WDR41: variants seen among roughly 807,000 people sequenced by gnomAD.
WDR41 encodes WD repeat domain 41.
A neutral mutation model predicts 69.3 loss-of-function variants in WDR41; 63 were observed. The observed-to-expected ratio is 0.91, with a 90% CI of 0.74 to 1.12. The LOEUF is 1.12. Among genes scored for constraint, WDR41 ranks in the 50% most tolerant of loss-of-function variants. The pLI, the probability that WDR41 is intolerant of heterozygous loss-of-function variation, is 0.00. For missense variants in WDR41, 543 were observed against 534.5 expected (o/e 1.02, Z -0.16); for synonymous variants, 185 against 192.1 (o/e 0.96, Z 0.31).
upstream of WDR41, among the ~76,000 whole-genome samples, chr5:77,494,729 C>T (rs746129048): frequency 2.0e-5 from 3 of 152,062 alleles, no homozygotes; most frequent in Non-Finnish European, 4.4e-5. Context: ...CTTCATCTGT[C>T]CACTTTCAAT....
At chr5:77,440,729 C>G in intron 9 of WDR41, 84 bp downstream of exon 9, 1 of 1,340,096 alleles carries the variant, frequency 7.5e-7, no homozygotes, top group Admixed American at 2.1e-5. Flanking sequence ...TTTTTTATGT[C>G]CAACATGGGA....
intron 1 of WDR41, among the ~76,000 whole-genome samples, chr5:77,524,999 A>C (rs1802424796): frequency 6.6e-6 from 1 of 152,226 alleles, no homozygotes; most frequent in Non-Finnish European, 1.5e-5. Context: ...TGGAGGATGC[A>C]CCACAATTCA....
At chr5:77,566,365 G>A (rs867949109) in intron 1 of WDR41, among the ~76,000 whole-genome samples, 34 of 151,882 alleles carry the variant, frequency 2.2e-4, no homozygotes, top group Non-Finnish European at 8.8e-5. Flanking sequence ...GGTCTCCCTG[G>A]GTCTCTATTT....
At chr5:77,610,393 G>C (rs944521582) in intron 1 of WDR41, among the ~76,000 whole-genome samples, 2 of 152,154 alleles carry the variant, frequency 1.3e-5, no homozygotes, top group Non-Finnish European at 2.9e-5. Context: ...AAATGTTAAG[G>C]GCAGCCAGAG....
chr5:77,468,336 G>A (rs1022392532), intron 2 of WDR41, among the ~76,000 whole-genome samples: 4 of 152,094 alleles, frequency 2.6e-5, no homozygotes, highest in Non-Finnish European at 5.9e-5. Context: ...ATTACCATGT[G>A]ATGCTATAGG....
intron 1 of WDR41, among the ~76,000 whole-genome samples, chr5:77,521,694 T>G (rs1802372437): frequency 1.3e-5 from 2 of 152,188 alleles, no homozygotes; most frequent in African/African-American, 4.8e-5. Flanking sequence ...CTAAACTGAC[T>G]AGAGGCTTTT....
chr5:77,474,163 T>C (rs1800770026), intron 2 of WDR41, among the ~76,000 whole-genome samples: 1 of 152,104 alleles, frequency 6.6e-6, no homozygotes, highest in Non-Finnish European at 1.5e-5. Flanking sequence ...GAAACCATCA[T>C]TCTCAGCAAA....
At chr5:77,472,495 C>T (rs1289276443) in intron 2 of WDR41, among the ~76,000 whole-genome samples, 4 of 151,618 alleles carry the variant, frequency 2.6e-5, no homozygotes, top group African/African-American at 4.9e-5. Context: ...TCCCTGTTTG[C>T]AGATGACATG....
At chr5:77,434,322 A>T (rs1041962213) in intron 12 of WDR41, among the ~76,000 whole-genome samples, 3 of 152,006 alleles carry the variant, frequency 2.0e-5, no homozygotes, top group Non-Finnish European at 4.4e-5. Flanking sequence ...GGGAAAAAAA[A>T]CAAGAGTTTT....
At chr5:77,536,983 C>T (rs2112217455) in intron 1 of WDR41, among the ~76,000 whole-genome samples, 1 of 152,260 alleles carries the variant, frequency 6.6e-6, no homozygotes, top group East Asian at 1.9e-4. Flanking sequence ...CTATGGAAAC[C>T]TGACTGGTAA....
chr5:77,475,658 A>G (rs1460048674), intron 2 of WDR41, among the ~76,000 whole-genome samples: 2 of 152,182 alleles, frequency 1.3e-5, no homozygotes. Flanking sequence ...ATCCACACCA[A>G]AAACCCATCT....
At chr5:77,558,854 T>C (rs959581016) in intron 1 of WDR41, among the ~76,000 whole-genome samples, 1 of 146,880 alleles carries the variant, frequency 6.8e-6, no homozygotes, top group African/African-American at 2.5e-5. Flanking sequence ...ATTACTTTCA[T>C]CCTTTCAAAA....
chr5:77,589,801 A>G (rs1460049), intron 1 of WDR41, among the ~76,000 whole-genome samples: 4 of 152,144 alleles, frequency 2.6e-5, no homozygotes, highest in Middle Eastern at 3.4e-3. Flanking sequence ...TTCCTTTCCA[A>G]TCCTTATAAT....
chr5:77,543,235 C>T (rs1580001074), intron 1 of WDR41, among the ~76,000 whole-genome samples: 1 of 152,096 alleles, frequency 6.6e-6, no homozygotes, highest in East Asian at 1.9e-4. Flanking sequence ...GGTAATATGA[C>T]AAAACAAGGT....
intron 1 of WDR41, among the ~76,000 whole-genome samples, chr5:77,577,453 A>G (rs1260602285): frequency 6.6e-6 from 1 of 152,196 alleles, no homozygotes; most frequent in African/African-American, 2.4e-5. Flanking sequence ...AATAAAACAA[A>G]GAGAATCATT....
intron 1 of WDR41, among the ~76,000 whole-genome samples, chr5:77,588,660 T>C (rs1744082386): frequency 6.6e-6 from 1 of 152,182 alleles, no homozygotes; most frequent in Admixed American, 6.5e-5. Context: ...ATAAAGTTTC[T>C]GCAAACACTG....
intron 9 of WDR41, among the ~76,000 whole-genome samples, chr5:77,439,006 T>C (rs1221690746): frequency 2.6e-5 from 4 of 152,224 alleles, no homozygotes; most frequent in Non-Finnish European, 4.4e-5. Context: ...GCAAGCATCA[T>C]TGCCATTTTC....
intron 1 of WDR41, among the ~76,000 whole-genome samples, chr5:77,603,986 A>G (rs1744370957): frequency 6.6e-6 from 1 of 152,142 alleles, no homozygotes. Flanking sequence ...GCTTTGCAAT[A>G]TATTTTTGAG....
At chr5:77,521,839 T>A (rs1458495430) in intron 1 of WDR41, among the ~76,000 whole-genome samples, 1 of 152,192 alleles carries the variant, frequency 6.6e-6, no homozygotes, top group Non-Finnish European at 1.5e-5. Context: ...TACACCACTA[T>A]CTTTATAAAC....
Sources: gnomAD v4.1 joint callset for allele counts (sites outside exome capture counted in the v4.1 genomes callset) on GRCh38, gnomAD v4.1.1 for gene constraint, MANE v1.5 for transcripts, NCBI Gene and HGNC (gene_info 2026-07-23, HGNC 2026-07-21) for gene names.